The following EIF4A2 variants were observed in gnomAD, a reference collection of about 807,000 sequenced individuals.
The protein encoded by EIF4A2 is eukaryotic initiation factor 4A-II.
A neutral mutation model predicts 50.6 loss-of-function variants in EIF4A2; 9 were observed. That is an observed-to-expected ratio of 0.18 (90% CI 0.11 to 0.31). The LOEUF is 0.31. Among genes scored for constraint, EIF4A2 ranks in the 10% least tolerant of loss-of-function variants. The probability of loss-of-function intolerance (pLI) is 1.00; values close to 1 mark genes in which losing one functional copy is unlikely to be tolerated. For missense variants in EIF4A2, 182 were observed against 501.8 expected (o/e 0.36, Z 6.09); for synonymous variants, 215 against 164.4 (o/e 1.31, Z -2.35).
chr3:186,783,869 T>G (rs1042800278), intron 1 of EIF4A2: 3 of 605,076 alleles, frequency 5.0e-6, no homozygotes, highest in Non-Finnish European at 8.6e-6. Context: ...TCTAAGACAT[T>G]ACGAAACTTC....
At chr3:186,784,151 C>T (rs1396917758) in intron 1 of EIF4A2, 6 of 534,268 alleles carry the variant, frequency 1.1e-5, no homozygotes, top group Admixed American at 1.0e-4. Flanking sequence ...ACCCGGCTTG[C>T]GCATTGTTGG....
At chr3:186,783,730 A>C (rs2108453181) in intron 1 of EIF4A2, 91 bp downstream of exon 1, 1 of 1,594,242 alleles carries the variant, frequency 6.3e-7, no homozygotes, top group South Asian at 1.1e-5. Context: ...AAAAACTCTA[A>C]ATTAATGGAC....
intron 6 of EIF4A2, 75 bp from the exon 7 acceptor site, chr3:186,786,427 G>A (rs1471010948): frequency 1.3e-6 from 2 of 1,573,858 alleles, no homozygotes; most frequent in African/African-American, 1.4e-5. Context: ...GTAAGACAGA[G>A]ACGCTTGGCT....
intron 7 of EIF4A2, 86 bp from the exon 8 acceptor site, chr3:186,787,041 A>G: frequency 6.5e-7 from 1 of 1,534,724 alleles, no homozygotes; most frequent in Non-Finnish European, 8.8e-7. Flanking sequence ...TACAGGCATT[A>G]GCACTGTGGC....
At chr3:186,786,733 T>C (rs941841627) in intron 7 of EIF4A2, 88 bp downstream of exon 7, 1 of 1,551,916 alleles carries the variant, frequency 6.4e-7, no homozygotes, top group Non-Finnish European at 8.9e-7. Context: ...TCTTGGTTTT[T>C]GCAATAATGC....
rs2108459714 is a variant in EIF4A2, at chr3:186,787,160, G to A, written c.805G>A (p.Glu269Lys). 6.2e-7 allele frequency: 1 copy of A among 1,613,998 alleles called. No individual in the cohort carries two copies. Among genetic ancestry groups the A allele is most frequent in the Non-Finnish European group, 8.5e-7 (1 of 1,179,974 alleles). The change falls in exon 8 of 11, where the codon GAG becomes AAG. Residue 269 changes from glutamate to lysine, a missense_variant. Physicochemically the swap from Glu to Lys is moderately conservative, Grantham distance 56 (BLOSUM62 1). This residue lies in a region of EIF4A2 where 113 missense variants were observed against 357.3 expected (regional missense o/e 0.32). Transcript: ENST00000323963. ...GTTGGATACACTTTGTGACTTGTAC[G>A]AGACACTGACCATTACACAGGCTGT... ...WKLDTLCDLY[E>K]TLTITQAVIF...
At chr3:186,787,312 G>A in intron 8 of EIF4A2, 48 bp downstream of exon 8, 1 of 1,613,940 alleles carries the variant, frequency 6.2e-7, no homozygotes, top group Non-Finnish European at 8.5e-7. Flanking sequence ...GCAGGATTCA[G>A]ACTACAATAT....
chr3:186,784,102 TGGCATCGCCCTCGCCAGGCCGCTCCGCCC>T, intron 1 of EIF4A2: 1 of 479,258 alleles, frequency 2.1e-6, no homozygotes. Flanking sequence ...GGTGAACCGT[TGGCATCGCCCTCGCCAGGCCGCTCCGCCC>T]GCGTCAATCA....
intron 7 of EIF4A2, 33 bp from the exon 8 acceptor site, chr3:186,787,094 A>C (rs777503818): frequency 6.2e-7 from 1 of 1,611,090 alleles, no homozygotes; most frequent in Non-Finnish European, 8.5e-7. Context: ...GAAAAACTAA[A>C]TGACTGTTAA....
In EIF4A2 at chr3:186,784,815, A is replaced by G. The variant is rs556676353; in HGVS notation, c.208+119A>G. On this transcript the variant is annotated intron_variant, in intron 3 of 10. Coordinates refer to ENST00000323963, the MANE Select transcript of EIF4A2 (RefSeq NM_001967.4). ...TCCTTAAAGTGAAATGATGGCAATC[A>G]TCTTTCGGGACTGACCTGAAATGAA... 8.8e-6 allele frequency: 14 copies of G among 1,599,916 alleles called. No homozygotes were observed. In the East Asian group the frequency reaches 2.9e-4, roughly 33 times the overall value.
rs1335839025 is a variant in EIF4A2 at position 186,789,225 on chromosome 3, A to G, written c.1180A>G (p.Thr394Ala). ...ILRDIETFYNTTVEEMPMNVA... is the reference protein window; with the variant it reads ...ILRDIETFYNATVEEMPMNVA... ...TCGTGACATTGAGACTTTCTACAAT[A>G]CTACAGTGGAGGAGATGCCCATGAA... Residue 394 changes from threonine (T) to alanine (A), a missense_variant, in exon 11 of 11, where the codon ACT becomes GCT. Coordinates refer to ENST00000323963, the MANE Select transcript of EIF4A2 (RefSeq NM_001967.4). The G allele has an allele frequency of 1.2e-6, 2 of 1,612,638 alleles. No individual in the cohort carries two copies.
chr3:186,785,661 G>A (rs765007382), intron 4 of EIF4A2: 3 of 510,772 alleles, frequency 5.9e-6, no homozygotes, highest in African/African-American at 1.9e-5. Flanking sequence ...TCTAGCTGAT[G>A]CGTGGAGCAG....
rs1308586598 is a variant in EIF4A2, at chr3:186,785,738, C to T, written c.349-145C>T. The T allele has an allele frequency of 1.2e-5, 12 of 1,021,034 alleles. No individual in the cohort carries two copies. The Admixed American group carries it at 1.7e-4, about 14-fold the overall frequency. The allele number at this position is 1,021,034 out of a possible 1,614,324, so 63.2% of individuals were successfully genotyped here. ...GAATTTTACCTTGCAGCAGTTAGGT[C>T]GTCTGCATTTTAAGCTTGGAAGTAG... On this transcript the variant is annotated intron_variant, in intron 4 of 10. Coordinates refer to ENST00000323963, the MANE Select transcript of EIF4A2 (RefSeq NM_001967.4).
chr3:186,783,637 C>T lies in EIF4A2; in HGVS notation c.27C>T (p.Asn9=). 1.2e-6 allele frequency: 2 copies of T among 1,614,106 alleles called. No homozygotes were observed. Among genetic ancestry groups the T allele is most frequent in the African/African-American group, 2.7e-5 (2 of 75,032 alleles). Residue 9 remains asparagine (N), a splice_region_variant and synonymous_variant, in exon 1 of 11, where the codon AAC becomes AAT. Transcript: ENST00000323963. ...TGTCTGGTGGCTCCGCGGATTATAACAGGTATGCAGTCTGTTGGCGGTCGC... is the reference window on the plus strand; with the variant it reads ...TGTCTGGTGGCTCCGCGGATTATAATAGGTATGCAGTCTGTTGGCGGTCGC... The part of the protein sequence containing the change: MSGGSADY[N]REHGGPEGMD...
chr3:186,783,804 T>C, intron 1 of EIF4A2, 165 bp downstream of exon 1: 2 of 1,115,812 alleles, frequency 1.8e-6, no homozygotes, highest in Admixed American at 2.2e-5. Context: ...AGGGCCCGGA[T>C]TGTGGGGAGA....
rs769515729 is a variant in EIF4A2, at chr3:186,786,752, T to C, written c.771+107T>C. ...GGTTTTTGCAATAATGCTAGCAGAG[T>C]ACACACAAGAAGAAAAGTAACAGCA... is the stretch of plus-strand genomic sequence containing the variant. On this transcript the variant is annotated intron_variant, in intron 7 of 10. Coordinates refer to ENST00000323963, the MANE Select transcript of EIF4A2 (RefSeq NM_001967.4). 8 of 1,451,814 alleles carry C rather than the reference T, an allele frequency of 5.5e-6. No homozygotes were observed. The Admixed American group carries it at 8.4e-5, about 15-fold the overall frequency. The allele number at this position is 1,451,814 out of a possible 1,614,324, so 89.9% of individuals were successfully genotyped here. A position where few individuals can be genotyped will look rare whatever the true frequency, so the allele number is the denominator to read the frequency against.
At chr3:186,783,976 T>G (rs1721526293) in intron 1 of EIF4A2, 2 of 424,848 alleles carry the variant, frequency 4.7e-6, no homozygotes, top group Non-Finnish European at 8.5e-6. Context: ...CCCGAAGCTT[T>G]ATTTTCGGTC....
rs1721631556 is a variant in EIF4A2 at position 186,785,353 on chromosome 3, T to G, written c.348+252T>G. On this transcript the variant is annotated intron_variant, in intron 4 of 10. Coordinates refer to ENST00000323963, the MANE Select transcript of EIF4A2 (RefSeq NM_001967.4). ...ATGTACTAGATCTGTCCCCATTTTTTAAGTTTGAATGCAGTTGTGCAACAT... is the reference window on the plus strand; with the variant it reads ...ATGTACTAGATCTGTCCCCATTTTTGAAGTTTGAATGCAGTTGTGCAACAT... 13 of 502,316 alleles carry G rather than the reference T, an allele frequency of 2.6e-5. No individual in the cohort carries two copies. The East Asian group carries it at 3.4e-4, about 13-fold the overall frequency. The allele number at this position is 502,316 out of a possible 1,614,324, so 31.1% of individuals were successfully genotyped here.
At chr3:186,788,474 A>G in intron 10 of EIF4A2, 2 of 1,211,162 alleles carry the variant, frequency 1.7e-6, no homozygotes, top group South Asian at 2.9e-5. Context: ...AAGTTGCTCC[A>G]GCTAAGGCAT....
Sources: allele counts gnomAD v4.1 joint callset, GRCh38; gene constraint gnomAD v4.1.1; regional missense constraint gnomAD v4.1.1; transcripts MANE v1.5; gene names NCBI Gene and HGNC (gene_info 2026-07-23, HGNC 2026-07-21).